MDN1: variants seen among roughly 807,000 people sequenced by gnomAD.
MDN1 encodes the protein midasin AAA ATPase 1.
A neutral mutation model predicts 669.2 loss-of-function variants in MDN1; 266 were observed. The observed-to-expected ratio is 0.40, with a 90% CI of 0.36 to 0.44. The LOEUF is 0.44. MDN1 is among the 20% of genes least tolerant of loss of function. The pLI is 1.00. For synonymous variants in MDN1, 2,385 were observed against 2,457.1 expected (o/e 0.97, Z 0.87); for missense variants, 5,940 against 6,754.0 (o/e 0.88, Z 4.22).
intron 11 of MDN1, among the ~76,000 whole-genome samples, chr6:89,776,950 C>G (rs1463166030): frequency 6.6e-6 from 1 of 152,110 alleles, no homozygotes; most frequent in Non-Finnish European, 1.5e-5. Flanking sequence ...ACAAAACACC[C>G]CACTTTGCAA....
At position 89,754,927 on chromosome 6, in the gene MDN1, TTTTCAAAATATTTTCAAAATA is replaced by T. The variant is rs1229594710; in HGVS notation, c.2817-718_2817-698del. 1.7e-4 allele frequency among the ~76,000 whole-genome samples: 26 copies of T among 152,222 alleles called. No individual in the cohort carries two copies. In the East Asian group the frequency reaches 2.3e-3, roughly 14 times the overall value. ...TGTAGATAGCAAAAATACACAAATATTTTCAAAATATTTTCAAAATATTTCAAAATATTTTTGTGTAGAAAG... is the reference window on the plus strand; with the variant it reads ...TGTAGATAGCAAAAATACACAAATATTTTCAAAATATTTTTGTGTAGAAAG... On this transcript the variant is annotated intron_variant, in intron 20 of 101. Transcript: ENST00000369393.
intron 33 of MDN1, among the ~76,000 whole-genome samples, chr6:89,735,169 T>C (rs935166620): frequency 3.3e-5 from 5 of 151,990 alleles, no homozygotes; most frequent in African/African-American, 1.2e-4. Context: ...ATTACAGGTG[T>C]GAAAGAAAGC....
chr6:89,763,871 T>C (rs1054088131), intron 15 of MDN1, among the ~76,000 whole-genome samples: 1 of 152,166 alleles, frequency 6.6e-6, no homozygotes, highest in African/African-American at 2.4e-5. Flanking sequence ...CACTTACTCA[T>C]AGCACTAATA....
At position 89,729,065 on chromosome 6, in the gene MDN1, G is replaced by C; in HGVS notation, c.5215C>G (p.Leu1739Val). 6.2e-7 allele frequency: 1 copy of C among 1,613,972 alleles called. No homozygotes were observed. The highest frequency in any genetic ancestry group is 1.3e-5 in the African/African-American group (1 of 75,048). ...AGTTAMNAQR[L>V]LRATKLKKPI... ...TTCTTCAGTTTGGTAGCTCTTAAGA[G>C]CCTCTGTGCATTCATAGCAGTGGTC... is the stretch of plus-strand genomic sequence containing the variant. Residue 1739 changes from leucine to valine, a missense_variant, in exon 36 of 102, where the codon CTC becomes GTC. Physicochemically the swap from Leu to Val is conservative, Grantham distance 32. Around this residue, in one of 5 missense-constraint regions of MDN1, gnomAD observed 2,292 missense variants for 2,638.3 expected, o/e 0.87. Coordinates refer to ENST00000369393, the MANE Select transcript of MDN1 (RefSeq NM_014611.3).
At chr6:89,644,266 CT>C in intron 101 of MDN1, 73 bp from the exon 102 acceptor site, 2 of 1,292,294 alleles carry the variant, frequency 1.5e-6, no homozygotes. Flanking sequence ...CTTCTGTGAT[CT>C]CTTTTGCTAA....
chr6:89,677,874 C>T (rs962478747), intron 75 of MDN1, among the ~76,000 whole-genome samples, 178 bp from the exon 76 acceptor site: 12 of 152,208 alleles, frequency 7.9e-5, no homozygotes, highest in African/African-American at 2.9e-4. Context: ...GCTGCACTTC[C>T]ACAAGATTCC....
chr6:89,778,072 G>C (rs553352434), intron 11 of MDN1, among the ~76,000 whole-genome samples: 3 of 152,178 alleles, frequency 2.0e-5, no homozygotes, highest in Admixed American at 6.5e-5. Context: ...TAGGCAGTGG[G>C]CAAGGTGAAC....
chr6:89,669,132 A>G (rs574406444), intron 83 of MDN1, among the ~76,000 whole-genome samples: 102 of 152,320 alleles, frequency 6.7e-4, no homozygotes, highest in Non-Finnish European at 1.1e-3. Context: ...CATTCTGCAC[A>G]TATCAGAACC....
intron 11 of MDN1, among the ~76,000 whole-genome samples, chr6:89,777,081 C>T (rs770864025): frequency 2.4e-4 from 36 of 152,168 alleles, no homozygotes; most frequent in Non-Finnish European, 5.1e-4. Flanking sequence ...GCAAGGGAAA[C>T]ACTAGGTGTG....
At position 89,761,743 on chromosome 6, in the gene MDN1, G is replaced by A. The variant is rs765243302; in HGVS notation, c.2362C>T (p.Leu788Phe). 1.9e-6 allele frequency: 3 copies of A among 1,599,982 alleles called. No homozygotes were observed. Among genetic ancestry groups the A allele is most frequent in the Middle Eastern group, 1.7e-4 (1 of 6,034 alleles). The change falls in exon 17 of 102, where the codon CTC becomes TTC. Residue 788 changes from leucine to phenylalanine, a missense_variant. Transcript: ENST00000369393. ...AATGCTTCCCATTTCTCTTTTATGA[G>A]TAACCCTAAAAAAGAAAGACAAGAA... ...KDGKDSETGLLIKEKWEAFGL... is the reference protein window; with the variant it reads ...KDGKDSETGLFIKEKWEAFGL...
At chr6:89,777,535 C>T (rs1266864121) in intron 11 of MDN1, among the ~76,000 whole-genome samples, 6 of 152,106 alleles carry the variant, frequency 3.9e-5, no homozygotes, top group African/African-American at 1.4e-4. Flanking sequence ...TGAAAGACCA[C>T]AAGATTAGGA....
Position 89,745,763 on chromosome 6 carries a change from C to T in MDN1, c.3905-137G>A, listed in dbSNP as rs549966173. On this transcript the variant is annotated intron_variant, in intron 27 of 101. Transcript: ENST00000369393. ...TAGAAATCTGAAGAACTAGGACAGC[C>T]TATTACAATTAACCATATACCTGCC... 14 of 821,626 alleles carry T rather than the reference C, an allele frequency of 1.7e-5. No homozygotes were observed. In the East Asian group the frequency reaches 3.5e-4, roughly 20 times the overall value. 50.9% of individuals were successfully genotyped at this position (821,626 alleles called of 1,614,324 possible).
chr6:89,658,497 G>A (rs568285492), intron 89 of MDN1, 113 bp downstream of exon 89: 22 of 1,526,378 alleles, frequency 1.4e-5, no homozygotes, highest in African/African-American at 4.1e-5. Flanking sequence ...AGAACTCCTC[G>A]GAAGTGCCAC....
chr6:89,676,320 T>C lies in MDN1; in HGVS notation c.12540-113A>G, dbSNP rs145630939. 3.6e-4 allele frequency: 299 copies of C among 837,568 alleles called. 2 individuals are homozygous for C. In the East Asian group the frequency reaches 6.4e-3, roughly 18 times the overall value. 51.9% of individuals were successfully genotyped at this position (837,568 alleles called of 1,614,324 possible). On this transcript the variant is annotated intron_variant, in intron 76 of 101. Transcript: ENST00000369393. ...CATAACCAAGAGTCAGCTGTCTGAA[T>C]AGGTTTATTTCTATGAGGAATCATT...
chr6:89,745,298 G>A lies in MDN1; in HGVS notation c.4153C>T (p.Pro1385Ser). 2 of 1,613,856 alleles carry A rather than the reference G, an allele frequency of 1.2e-6. No individual in the cohort carries two copies. Among genetic ancestry groups the A allele is most frequent in the Non-Finnish European group, 8.5e-7 (1 of 1,179,860 alleles). The part of the protein sequence containing the change: ...LVGRALEFGE[P>S]VLLVGDTGCG... ...CCAGTGTCTCCAACCAGCAGCACAGGTTCACCAAATTCCAATGCCCTTCCC... is the reference window on the plus strand; with the variant it reads ...CCAGTGTCTCCAACCAGCAGCACAGATTCACCAAATTCCAATGCCCTTCCC... The change falls in exon 29 of 102, where the codon CCT becomes TCT. Residue 1385 changes from proline (P) to serine (S), a missense_variant. Transcript: ENST00000369393.
At chr6:89,678,517 A>G in intron 75 of MDN1, 82 bp downstream of exon 75, 1 of 1,506,720 alleles carries the variant, frequency 6.6e-7, no homozygotes, top group Middle Eastern at 1.8e-4. Context: ...TGTCTATGGA[A>G]TTTCCCCCAA....
At chr6:89,770,212 T>G (rs1220838860) in intron 15 of MDN1, among the ~76,000 whole-genome samples, 2 of 152,098 alleles carry the variant, frequency 1.3e-5, no homozygotes, top group African/African-American at 2.4e-5. Context: ...GAGACCATCC[T>G]GGCAAACATG....
At position 89,732,768 on chromosome 6, in the gene MDN1, G is replaced by A. The variant is rs747124316; in HGVS notation, c.4731C>T (p.Asp1577=). 5 of 1,613,892 alleles carry A rather than the reference G, an allele frequency of 3.1e-6. No individual in the cohort carries two copies. In the East Asian group the frequency reaches 1.1e-4, roughly 36 times the overall value. The change falls in exon 34 of 102, where the codon GAC becomes GAT. Residue 1577 remains aspartate (D), a synonymous_variant. Transcript: ENST00000369393. ...CLGRIDPKGS[D]IPEVMLDFID... is the part of the protein sequence containing the mutation. ...TGAAATCCAGCATCACTTCAGGTATGTCAGACCCTAAACACAAGAAACAAA... is the reference window on the plus strand; with the variant it reads ...TGAAATCCAGCATCACTTCAGGTATATCAGACCCTAAACACAAGAAACAAA...
At chr6:89,760,826 T>G (rs896521945) in intron 17 of MDN1, among the ~76,000 whole-genome samples, 5 of 152,176 alleles carry the variant, frequency 3.3e-5, no homozygotes, top group Admixed American at 6.5e-5. Flanking sequence ...AGAATGGTAG[T>G]TAGCAGAGGC....
Sources: allele counts gnomAD v4.1 joint callset (sites outside exome capture counted in the v4.1 genomes callset), GRCh38; gene constraint gnomAD v4.1.1; regional missense constraint gnomAD v4.1.1; transcripts MANE v1.5; gene names NCBI Gene and HGNC (gene_info 2026-07-23, HGNC 2026-07-21).